SORL1: variants seen among roughly 807,000 people sequenced by gnomAD.
The protein encoded by SORL1 is sortilin related receptor 1.
SORL1 carries 127 observed loss-of-function variants against 273.7 expected under a neutral mutation model. That is an observed-to-expected ratio of 0.46 (90% CI 0.40 to 0.54). The LOEUF is 0.54. Ranked by LOEUF, SORL1 falls within the 20% of genes least tolerant of loss-of-function variation. The pLI, the probability that SORL1 is intolerant of heterozygous loss-of-function variation, is 0.00. For missense variants in SORL1, 2,494 were observed against 2,846.1 expected, an observed-to-expected ratio of 0.88 and a Z score of 2.81; for synonymous variants, 1,031 against 1,067.4, an observed-to-expected ratio of 0.97 and a Z score of 0.66.
rs1381214687 is a variant in SORL1 at position 121,577,298 on chromosome 11, A to G, written c.3478A>G (p.Ser1160Gly). 1.9e-6 allele frequency: 3 copies of G among 1,608,148 alleles called. No individual in the cohort carries two copies. Among genetic ancestry groups the G allele is most frequent in the African/African-American group, 1.3e-5 (1 of 74,604 alleles). Residue 1160 changes from serine (S) to glycine (G), a missense_variant, in exon 25 of 48, where the codon AGT becomes GGT. Ser to Gly is a moderately conservative substitution (Grantham distance 56). This residue lies in a region of SORL1 where 1,609 missense variants were observed against 1,816.4 expected (regional missense o/e 0.89). Coordinates refer to ENST00000260197, the MANE Select transcript of SORL1 (RefSeq NM_003105.6). ...ACCTGCAGAAATGCACCAGTGCCGGAGTGACGAGTACAACTGCAGTTCCGG... is the reference window on the plus strand; with the variant it reads ...ACCTGCAGAAATGCACCAGTGCCGGGGTGACGAGTACAACTGCAGTTCCGG... ...ESHCEMHQCR[S>G]DEYNCSSGMC...
chr11:121,633,409 C>CT lies in SORL1; in HGVS notation c.*3848dup, dbSNP rs1226053471. 5 of 152,192 alleles carry CT rather than the reference C, an allele frequency of 3.3e-5. No homozygotes were observed. The highest frequency in any genetic ancestry group is 1.2e-4 in the African/African-American group (5 of 41,446). 9.4% of individuals were successfully genotyped at this position (152,192 alleles called of 1,614,324 possible). Reference sequence around the variant, plus strand: ...CTATGTCACTTCTCATTTAAAGACTCTTGTTATGAACTATTAGAAACTTTA... The same window carrying CT: ...CTATGTCACTTCTCATTTAAAGACTCTTTGTTATGAACTATTAGAAACTTTA... On this transcript the variant is annotated 3_prime_UTR_variant, in exon 48 of 48. Transcript: ENST00000260197.
At chr11:121,607,419 T>C in intron 37 of SORL1, 129 bp downstream of exon 37, 1 of 520,618 alleles carries the variant, frequency 1.9e-6, no homozygotes, top group African/African-American at 1.9e-5. Flanking sequence ...ACCCAACTTC[T>C]TGCCCTGGGA....
chr11:121,475,266 C>T (rs557321991), intron 2 of SORL1, among the ~76,000 whole-genome samples: 14 of 151,174 alleles, frequency 9.3e-5, no homozygotes, highest in East Asian at 3.9e-4. Flanking sequence ...GAGCCTGTCT[C>T]GTCAGAAAAA....
intron 3 of SORL1, among the ~76,000 whole-genome samples, chr11:121,480,732 CACAG>C (rs1218747008): frequency 7.7e-5 from 11 of 142,940 alleles, no homozygotes; most frequent in Non-Finnish European, 1.1e-4. Flanking sequence ...TCCCCTAGTG[CACAG>C]ATACCTATAG....
intron 23 of SORL1, among the ~76,000 whole-genome samples, chr11:121,572,330 G>C (rs1862856585): frequency 1.3e-5 from 2 of 152,206 alleles, no homozygotes; most frequent in Admixed American, 6.5e-5. Flanking sequence ...GCACAGTTGT[G>C]CATGAAGGAT....
chr11:121,632,019 G>A lies in SORL1; in HGVS notation c.*2456G>A, dbSNP rs1295480697. Reference sequence around the variant, plus strand: ...AAACAAATGCCTTGTACTACAGGCAGCCTCTGAAGGTGACCACATAACTGT... The same window carrying A: ...AAACAAATGCCTTGTACTACAGGCAACCTCTGAAGGTGACCACATAACTGT... On this transcript the variant is annotated 3_prime_UTR_variant, in exon 48 of 48. Coordinates refer to ENST00000260197, the MANE Select transcript of SORL1 (RefSeq NM_003105.6). The A allele has an allele frequency of 1.3e-5, 2 of 152,210 alleles. No homozygotes were observed. The highest frequency in any genetic ancestry group is 1.5e-5 in the Non-Finnish European group (1 of 68,046). 9.4% of individuals were successfully genotyped at this position (152,210 alleles called of 1,614,324 possible).
intron 31 of SORL1, among the ~76,000 whole-genome samples, chr11:121,594,369 A>G (rs1443156981): frequency 6.6e-6 from 1 of 151,972 alleles, no homozygotes; most frequent in African/African-American, 2.4e-5. Flanking sequence ...TGTCATTCAT[A>G]TATTGTCTCC....
At position 121,545,295 on chromosome 11, in the gene SORL1, G is replaced by A. The variant is rs1341888747; in HGVS notation, c.1917G>A (p.Arg639=). Residue 639 remains arginine, a synonymous_variant, in exon 14 of 48, where the codon CGG becomes CGA. Coordinates refer to ENST00000260197, the MANE Select transcript of SORL1 (RefSeq NM_003105.6). ...DYKLWSPSDE[R]GNECLLGHKT... ...AGCTGTGGTCACCATCTGATGAGCG[G>A]GGGAATGAGTGTTTGCTGGGACACA... 1 of 1,614,050 alleles carries A rather than the reference G, an allele frequency of 6.2e-7. No homozygotes were observed. Among genetic ancestry groups the A allele is most frequent in the South Asian group, 1.1e-5 (1 of 91,072 alleles).
At chr11:121,526,178 T>G (rs972611656) in intron 11 of SORL1, among the ~76,000 whole-genome samples, 2 of 152,224 alleles carry the variant, frequency 1.3e-5, no homozygotes, top group African/African-American at 4.8e-5. Flanking sequence ...TATGGAGATC[T>G]AATTGATTTA....
intron 6 of SORL1, among the ~76,000 whole-genome samples, chr11:121,504,399 G>A (rs1051425015): frequency 5.3e-5 from 8 of 151,996 alleles, no homozygotes; most frequent in Non-Finnish European, 8.8e-5. Context: ...GCGACAGAGC[G>A]AGACTCTGTC....
chr11:121,470,791 A>G (rs1861156080), intron 2 of SORL1, among the ~76,000 whole-genome samples: 1 of 151,940 alleles, frequency 6.6e-6, no homozygotes, highest in African/African-American at 2.4e-5. Context: ...CCTCCCACCC[A>G]CTCAGCCTCC....
At position 121,494,423 on chromosome 11, in the gene SORL1, G is replaced by A. The variant is rs545664293; in HGVS notation, c.759-2446G>A. Reference sequence around the variant, plus strand: ...GGAAAGCTAAAAATTTACATGGTCCGGAGCTTGAGATTGGCAAGACAGAAC... The same window carrying A: ...GGAAAGCTAAAAATTTACATGGTCCAGAGCTTGAGATTGGCAAGACAGAAC... On this transcript the variant is annotated intron_variant, in intron 5 of 47. Coordinates refer to ENST00000260197, the MANE Select transcript of SORL1 (RefSeq NM_003105.6). 1.2e-4 allele frequency among the ~76,000 whole-genome samples: 19 copies of A among 152,286 alleles called. No individual in the cohort carries two copies. The South Asian group carries it at 3.1e-3, about 25-fold the overall frequency.
At position 121,553,954 on chromosome 11, in the gene SORL1, C is replaced by T. The variant is rs374434445; in HGVS notation, c.2284C>T (p.Leu762=). Residue 762 remains leucine (L), a synonymous_variant, in exon 17 of 48, where the codon CTG becomes TTG. Coordinates refer to ENST00000260197, the MANE Select transcript of SORL1 (RefSeq NM_003105.6). ...TCTGGCAGAAGAGAACGAGTTCATTCTGTATGCTGTGAGGAAATCCATCTA... is the reference window on the plus strand; with the variant it reads ...TCTGGCAGAAGAGAACGAGTTCATTTTGTATGCTGTGAGGAAATCCATCTA... The part of the protein sequence containing the change: ...CPLAEENEFI[L]YAVRKSIYRY... 1.9e-6 allele frequency: 3 copies of T among 1,613,828 alleles called. No individual in the cohort carries two copies. The highest frequency in any genetic ancestry group is 2.5e-6 in the Non-Finnish European group (3 of 1,179,832).
chr11:121,577,787 T>G (rs920549667), intron 25 of SORL1, among the ~76,000 whole-genome samples: 8 of 152,170 alleles, frequency 5.3e-5, no homozygotes, highest in Admixed American at 5.2e-4. Context: ...ACAAGGAAAA[T>G]GTAAACTGTG....
In SORL1 at chr11:121,607,231, G is replaced by A. The variant is rs1412927485; in HGVS notation, c.5107G>A (p.Ala1703Thr). Residue 1703 changes from alanine to threonine, a missense_variant, in exon 37 of 48, where the codon GCT (alanine) becomes ACT (threonine). Coordinates refer to ENST00000260197, the MANE Select transcript of SORL1 (RefSeq NM_003105.6). ...TTCCAAGATGTGGGCCTCCCAGAGG[G>A]CTGCTAGTAACTTTACAGAAATCAA... ...SGSKMWASQR[A>T]ASNFTEIKNL... is the part of the protein sequence containing the mutation. 1.2e-6 allele frequency: 2 copies of A among 1,612,894 alleles called. No individual in the cohort carries two copies. The highest frequency in any genetic ancestry group is 1.1e-5 in the South Asian group (1 of 91,050).
intron 3 of SORL1, among the ~76,000 whole-genome samples, chr11:121,487,782 C>T (rs540088448): frequency 6.6e-6 from 1 of 152,322 alleles, no homozygotes; most frequent in South Asian, 2.1e-4. Flanking sequence ...AACAAGCCCA[C>T]CTTGTAGCTT....
intron 7 of SORL1, 121 bp from the exon 8 acceptor site, chr11:121,514,031 T>A: frequency 9.0e-7 from 1 of 1,114,792 alleles, no homozygotes; most frequent in Non-Finnish European, 1.3e-6. Flanking sequence ...GAGCTTCCCG[T>A]GGGCTTTAGG....
chr11:121,555,481 A>T (rs964813744), intron 18 of SORL1, among the ~76,000 whole-genome samples, 163 bp downstream of exon 18: 1 of 152,194 alleles, frequency 6.6e-6, no homozygotes, highest in Non-Finnish European at 1.5e-5. Flanking sequence ...GAGGAGAGAA[A>T]AGGGGGTAAG....
chr11:121,512,930 A>G (rs992577498), intron 6 of SORL1, 73 bp from the exon 7 acceptor site: 6 of 1,024,432 alleles, frequency 5.9e-6, no homozygotes, highest in African/African-American at 4.8e-5. Flanking sequence ...TGACTCTTCT[A>G]TTTTTATTTT....
Sources: allele counts gnomAD v4.1 joint callset (sites outside exome capture counted in the v4.1 genomes callset), GRCh38; gene constraint gnomAD v4.1.1; regional missense constraint gnomAD v4.1.1; transcripts MANE v1.5; gene names NCBI Gene and HGNC (gene_info 2026-07-23, HGNC 2026-07-21).